The following LAMC3 variants were observed in gnomAD, a reference collection of about 807,000 sequenced individuals.
LAMC3 encodes the protein laminin subunit gamma 3.
In LAMC3, 128 loss-of-function variants were observed where a neutral mutation model predicts 173.8. That is an observed-to-expected ratio of 0.74 (90% CI 0.64 to 0.85). The LOEUF is 0.85. Ranked by LOEUF, LAMC3 falls within the 40% of genes least tolerant of loss-of-function variation. The probability of loss-of-function intolerance (pLI) is 0.00; values close to 1 mark genes in which losing one functional copy is unlikely to be tolerated. For missense variants in LAMC3, 2,022 were observed against 2,156.0 expected, an observed-to-expected ratio of 0.94 and a Z score of 1.23; for synonymous variants, 897 against 909.1, an observed-to-expected ratio of 0.99 and a Z score of 0.24.
At chr9:131,061,486 GC>G (rs1299857474) in intron 13 of LAMC3, among the ~76,000 whole-genome samples, 2 of 152,122 alleles carry the variant, frequency 1.3e-5, no homozygotes, top group African/African-American at 4.8e-5. Context: ...CTGGTCCCTG[GC>G]CCCTTAGAGC....
chr9:131,027,348 C>T (rs1833740077), intron 2 of LAMC3, among the ~76,000 whole-genome samples: 1 of 152,254 alleles, frequency 6.6e-6, no homozygotes, highest in Non-Finnish European at 1.5e-5. Context: ...AGGGGCCTCG[C>T]TTCCTCCTCC....
rs560836711 is a variant in LAMC3 at position 131,076,539 on chromosome 9, A to G, written c.3629+574A>G. ...AGTCACCATGGCTGGGGGAGGTCAC[A>G]TGACCCACCCCAGGGGCAGAGCGAT... is the stretch of plus-strand genomic sequence containing the variant. On this transcript the variant is annotated intron_variant, in intron 21 of 27. Coordinates refer to ENST00000361069, the MANE Select transcript of LAMC3 (RefSeq NM_006059.4). Among the ~76,000 whole-genome samples the G allele has an allele frequency of 4.6e-5, 7 of 152,300 alleles. No homozygotes were observed. The East Asian group carries it at 1.2e-3, about 25-fold the overall frequency.
intron 13 of LAMC3, among the ~76,000 whole-genome samples, chr9:131,062,139 G>C (rs374738207): frequency 4.6e-5 from 7 of 152,130 alleles, no homozygotes; most frequent in African/African-American, 1.7e-4. Flanking sequence ...GAAGCGGGTG[G>C]ATCACAAGGT....
At chr9:131,087,437 A>G (rs745957139) in intron 25 of LAMC3, 39 bp from the exon 26 acceptor site, 2 of 1,612,896 alleles carry the variant, frequency 1.2e-6, no homozygotes, top group Non-Finnish European at 1.7e-6. Flanking sequence ...GACTTGCTGC[A>G]CTCACTTCTT....
At position 131,049,075 on chromosome 9, in the gene LAMC3, G is replaced by T. The variant is rs1156630347; in HGVS notation, c.1575G>T (p.Trp525Cys). Residue 525 changes from tryptophan to cysteine, a missense_variant, in exon 9 of 28, where the codon TGG becomes TGT. Transcript: ENST00000361069. ...GGGGCTCTGAGCACCCCCCACAATG[G>T]AGCCCAAATGGGGTCCTCCTGAGCC... ...SVGGSEHPPQWSPNGVLLSPE... is the reference protein window; with the variant it reads ...SVGGSEHPPQCSPNGVLLSPE... 1 of 1,552,404 alleles carries T rather than the reference G, an allele frequency of 6.4e-7. No individual in the cohort carries two copies.
intron 8 of LAMC3, among the ~76,000 whole-genome samples, chr9:131,046,629 T>C (rs1834167738): frequency 7.2e-6 from 1 of 138,584 alleles, no homozygotes; most frequent in African/African-American, 2.7e-5. Flanking sequence ...CTTCCCAAAG[T>C]GCTGGGATTA....
Position 131,041,735 on chromosome 9 carries a change from G to T in LAMC3, c.1382G>T (p.Arg461Ile). 1 of 1,612,870 alleles carries T rather than the reference G, an allele frequency of 6.2e-7. No homozygotes were observed. The change falls in exon 7 of 28, where the codon AGA becomes ATA. Residue 461 changes from arginine to isoleucine, a missense_variant and splice_region_variant. Transcript: ENST00000361069. ...KENVEGNLCD[R>I]CRPGTFNLQP... ...AATGTGGAAGGCAACCTATGTGACA[G>T]GTTTGTGAGCTAATCCAGCAGTAAG...
At chr9:131,010,901 T>G (rs1046177199) in intron 1 of LAMC3, among the ~76,000 whole-genome samples, 1 of 152,214 alleles carries the variant, frequency 6.6e-6, no homozygotes, top group Non-Finnish European at 1.5e-5. Flanking sequence ...CCGATTCCCA[T>G]GTCCTCTGTG....
At position 131,009,331 on chromosome 9, in the gene LAMC3, C is replaced by CGAGAGA. The variant is rs1564359702; in HGVS notation, c.121_122insGAGAGA (p.Glu40_Asn41insArgGlu). The stretch of plus-strand genomic sequence containing the variant: ...GCCCGCAGCGCTGCCTGCCGGTGTT[C>CGAGAGA]GAGAACGCGGCGTTTGGGCGGCTCG... On this transcript the variant is annotated inframe_insertion, in exon 1 of 28. Transcript: ENST00000361069. This position sits in a 1 kb window ranked among gnomAD's most constrained non-coding sequence, Gnocchi z 4.3. The CGAGAGA allele has an allele frequency of 6.7e-7, 1 of 1,487,440 alleles. No homozygotes were observed. The highest frequency in any genetic ancestry group is 2.3e-5 in the Admixed American group (1 of 44,078). The allele number at this position is 1,487,440 out of a possible 1,614,324, so 92.1% of individuals were successfully genotyped here.
At chr9:131,090,186 G>A (rs1588173068) in intron 27 of LAMC3, among the ~76,000 whole-genome samples, 1 of 152,274 alleles carries the variant, frequency 6.6e-6, no homozygotes, top group East Asian at 1.9e-4. Flanking sequence ...GACTCAGCGT[G>A]CGTGCAGGTA....
intron 1 of LAMC3, among the ~76,000 whole-genome samples, chr9:131,024,602 G>C (rs1833686310): frequency 6.6e-6 from 1 of 152,118 alleles, no homozygotes; most frequent in South Asian, 2.1e-4. Flanking sequence ...CCATGGGGAG[G>C]GGACTGGGCA....
chr9:131,025,154 C>T (rs780664858), intron 1 of LAMC3, among the ~76,000 whole-genome samples: 11 of 152,140 alleles, frequency 7.2e-5, no homozygotes, highest in Non-Finnish European at 1.3e-4. Flanking sequence ...CGCGCCCGCA[C>T]CCCAGGCTCC....
At chr9:131,017,273 G>A (rs902023484) in intron 1 of LAMC3, among the ~76,000 whole-genome samples, 2 of 152,230 alleles carry the variant, frequency 1.3e-5, no homozygotes, top group Admixed American at 6.5e-5. Flanking sequence ...GTAGCTGGCA[G>A]CTAGAAGCGT....
intron 2 of LAMC3, among the ~76,000 whole-genome samples, chr9:131,030,818 A>G (rs1833811024): frequency 6.6e-6 from 1 of 152,240 alleles, no homozygotes; most frequent in South Asian, 2.1e-4. Context: ...CTCCTTGTCC[A>G]GTAGCCGGCC....
chr9:131,078,224 G>A (rs576634640), intron 22 of LAMC3, among the ~76,000 whole-genome samples: 2 of 152,252 alleles, frequency 1.3e-5, no homozygotes, highest in East Asian at 3.9e-4. Flanking sequence ...GGGCGCGGTG[G>A]CTCACACCTG....
intron 13 of LAMC3, among the ~76,000 whole-genome samples, chr9:131,062,712 T>C (rs540894519): frequency 2.6e-5 from 4 of 151,444 alleles, no homozygotes; most frequent in Admixed American, 6.6e-5. Flanking sequence ...CTACTAAAAA[T>C]ACAAAAATTA....
intron 1 of LAMC3, among the ~76,000 whole-genome samples, chr9:131,012,629 G>C (rs754072877): frequency 5.9e-5 from 9 of 152,216 alleles, no homozygotes; most frequent in Middle Eastern, 6.3e-3. Flanking sequence ...TTTGCTCCAG[G>C]CTAAGCCATG....
At chr9:131,019,661 A>T (rs892493536) in intron 1 of LAMC3, among the ~76,000 whole-genome samples, 1 of 152,220 alleles carries the variant, frequency 6.6e-6, no homozygotes, top group African/African-American at 2.4e-5. Context: ...GTGAGGAGTC[A>T]GGCTCAGGGA....
At chr9:131,046,799 G>A (rs1308215792) in intron 8 of LAMC3, among the ~76,000 whole-genome samples, 1 of 152,072 alleles carries the variant, frequency 6.6e-6, no homozygotes, top group Non-Finnish European at 1.5e-5. Context: ...GATGTCCCAC[G>A]GAGCGCCCCG....
Sources: allele counts gnomAD v4.1 joint callset (sites outside exome capture counted in the v4.1 genomes callset), GRCh38; gene constraint gnomAD v4.1.1; non-coding constraint Gnocchi (gnomAD v3.1); transcripts MANE v1.5; gene names NCBI Gene and HGNC (gene_info 2026-07-23, HGNC 2026-07-21).